The following ADAMTS17 variants were observed in gnomAD, a reference collection of about 807,000 sequenced individuals.
ADAMTS17 encodes ADAM metallopeptidase with thrombospondin type 1 motif 17.
A neutral mutation model predicts 141.5 loss-of-function variants in ADAMTS17; 113 were observed. The observed-to-expected ratio is 0.80, with a 90% confidence interval of 0.69 to 0.93. The LOEUF (loss-of-function observed/expected upper bound fraction) is 0.93. ADAMTS17 is among the 40% of genes least tolerant of loss of function. ADAMTS17 has a pLI of 0.00. For missense variants in ADAMTS17, 1,659 were observed against 1,517.9 expected (o/e 1.09, Z -1.54); for synonymous variants, 768 against 630.6 (o/e 1.22, Z -3.27).
At chr15:100,283,422 G>C in intron 3 of ADAMTS17, among the ~76,000 whole-genome samples, 1 of 152,200 alleles carries the variant, frequency 6.6e-6, no homozygotes. Flanking sequence ...AATCTATGAA[G>C]ATTCCTTCCT....
intron 3 of ADAMTS17, among the ~76,000 whole-genome samples, chr15:100,290,676 G>C (rs894938931): frequency 2.6e-5 from 4 of 152,288 alleles, no homozygotes; most frequent in African/African-American, 7.2e-5. Flanking sequence ...CAATGGAACA[G>C]AATAGAGAGC....
intron 7 of ADAMTS17, among the ~76,000 whole-genome samples, chr15:100,208,357 G>A (rs2041660673): frequency 6.6e-6 from 1 of 152,202 alleles, no homozygotes; most frequent in Non-Finnish European, 1.5e-5. Context: ...CCAGAAGACA[G>A]AAGGTGCTCA....
chr15:100,110,145 A>C (rs55976413), intron 13 of ADAMTS17, among the ~76,000 whole-genome samples: 1 of 138,988 alleles, frequency 7.2e-6, no homozygotes, highest in Non-Finnish European at 1.5e-5. Flanking sequence ...TGGGCCCAGG[A>C]CCTGGCTCAC....
intron 15 of ADAMTS17, among the ~76,000 whole-genome samples, chr15:100,058,158 G>A (rs1490164753): frequency 1.3e-5 from 2 of 150,642 alleles, no homozygotes; most frequent in Admixed American, 1.3e-4. Flanking sequence ...CTCTATCCCA[G>A]CTCTAACCCT....
rs888388947 is a variant in ADAMTS17 at position 100,265,298 on chromosome 15, A to G, written c.790-2863T>C. On this transcript the variant is annotated intron_variant, in intron 4 of 21. Transcript: ENST00000268070. Reference sequence around the variant, plus strand: ...GGCACAAGCCTCAAAGACATGTAACAAAGTCTCGTCTTCTTTTTTTTCCCA... The same window carrying G: ...GGCACAAGCCTCAAAGACATGTAACGAAGTCTCGTCTTCTTTTTTTTCCCA... 2.6e-5 allele frequency among the ~76,000 whole-genome samples: 4 copies of G among 152,334 alleles called. No homozygotes were observed. The South Asian group carries it at 8.3e-4, about 32-fold the overall frequency.
Position 100,242,160 on chromosome 15 carries a change from C to T in ADAMTS17, c.1075+11976G>A, listed in dbSNP as rs578035371. 3.7e-4 allele frequency among the ~76,000 whole-genome samples: 57 copies of T among 152,334 alleles called. 1 individual carries two copies. The East Asian group carries it at 6.0e-3, about 16-fold the overall frequency. ...ATTCTCCCTCAAATTGCAGTTCTGA[C>T]TCCGGAGGGTCACTCGCATCCTGCC... On this transcript the variant is annotated intron_variant, in intron 7 of 21. Transcript: ENST00000268070.
At chr15:100,292,982 T>C (rs1045571282) in intron 3 of ADAMTS17, among the ~76,000 whole-genome samples, 5 of 152,230 alleles carry the variant, frequency 3.3e-5, no homozygotes, top group Admixed American at 1.3e-4. Context: ...ATAGGCAGTA[T>C]TGTCGACATC....
chr15:100,077,758 T>C (rs2034478076), intron 15 of ADAMTS17, among the ~76,000 whole-genome samples: 1 of 152,098 alleles, frequency 6.6e-6, no homozygotes, highest in Non-Finnish European at 1.5e-5. Flanking sequence ...GGGAGTTCTA[T>C]CTAGGGCAAC....
intron 3 of ADAMTS17, among the ~76,000 whole-genome samples, chr15:100,299,823 A>C (rs2044965170): frequency 6.6e-6 from 1 of 151,790 alleles, no homozygotes; most frequent in Non-Finnish European, 1.5e-5. Flanking sequence ...ACACAAAGCC[A>C]CCTCTCCCCC....
chr15:100,309,979 C>T (rs896263599), intron 3 of ADAMTS17, among the ~76,000 whole-genome samples: 24 of 152,180 alleles, frequency 1.6e-4, no homozygotes, highest in Non-Finnish European at 7.3e-5. Flanking sequence ...GATCACCTGC[C>T]GGCAAGGGAC....
chr15:100,024,632 C>G (rs1455023953), intron 18 of ADAMTS17, among the ~76,000 whole-genome samples: 1 of 152,174 alleles, frequency 6.6e-6, no homozygotes, highest in Non-Finnish European at 1.5e-5. Context: ...GTTGGGTATG[C>G]TTGTTCTCTA....
chr15:100,301,520 G>A (rs936042744), intron 3 of ADAMTS17, among the ~76,000 whole-genome samples: 2 of 135,362 alleles, frequency 1.5e-5, no homozygotes, highest in Non-Finnish European at 3.1e-5. Flanking sequence ...TGTATATTTA[G>A]TAGAGACGGG....
At chr15:100,049,087 T>G (rs2141578237) in intron 17 of ADAMTS17, 95 bp from the exon 18 acceptor site, 1 of 1,581,350 alleles carries the variant, frequency 6.3e-7, no homozygotes, top group East Asian at 2.2e-5. Context: ...TGGGTGCTGC[T>G]GATGGTCACT....
At chr15:100,038,601 AT>A (rs956535714) in intron 18 of ADAMTS17, among the ~76,000 whole-genome samples, 8 of 152,030 alleles carry the variant, frequency 5.3e-5, no homozygotes, top group Non-Finnish European at 8.8e-5. Flanking sequence ...TTATAGGTGG[AT>A]TTTTTTCTTA....
intron 8 of ADAMTS17, among the ~76,000 whole-genome samples, chr15:100,186,008 T>G (rs2040703572): frequency 6.6e-6 from 1 of 151,984 alleles, no homozygotes; most frequent in Admixed American, 6.6e-5. Flanking sequence ...TACGGGACGG[T>G]CAGTTTGTTT....
chr15:100,023,645 A>C (rs897075440), intron 18 of ADAMTS17, among the ~76,000 whole-genome samples: 25 of 152,160 alleles, frequency 1.6e-4, no homozygotes, highest in African/African-American at 6.0e-4. Flanking sequence ...GTCCTTGTCC[A>C]AGTCCTTGCC....
intron 9 of ADAMTS17, among the ~76,000 whole-genome samples, chr15:100,153,674 G>C (rs73475403): frequency 0.02 from 3,096 of 152,132 alleles, 101 homozygotes; most frequent in African/African-American, 0.071. Context: ...GTGAACTGGG[G>C]ATTGCGAGGC....
intron 2 of ADAMTS17, among the ~76,000 whole-genome samples, chr15:100,332,204 C>A (rs1274387680): frequency 6.6e-6 from 1 of 152,232 alleles, no homozygotes; most frequent in Non-Finnish European, 1.5e-5. Context: ...CACTGCATGA[C>A]CTGCAGGAGA....
intron 14 of ADAMTS17, 112 bp downstream of exon 14, chr15:100,108,877 A>G: frequency 6.3e-7 from 1 of 1,580,066 alleles, no homozygotes; most frequent in Non-Finnish European, 8.6e-7. Context: ...CCTTCCTAAG[A>G]AAATCCACTC....
Sources: allele counts gnomAD v4.1 joint callset (sites outside exome capture counted in the v4.1 genomes callset), GRCh38; gene constraint gnomAD v4.1.1; transcripts MANE v1.5; gene names NCBI Gene and HGNC (gene_info 2026-07-23, HGNC 2026-07-21).